Variants in CSMD1 observed in about 807,000 individuals in gnomAD.
The protein encoded by CSMD1 is CUB and sushi domain-containing protein 1.
CSMD1 carries 213 observed loss-of-function variants against 417.5 expected under a neutral mutation model. That is an observed-to-expected ratio of 0.51 (90% CI 0.46 to 0.57). The LOEUF is 0.57. Ranked by LOEUF, CSMD1 falls within the 20% of genes least tolerant of loss-of-function variation. CSMD1 has a pLI of 0.00. For synonymous variants in CSMD1, 2,862 were observed against 1,736.8 expected (o/e 1.65, Z -16.11); for missense variants, 6,923 against 4,529.7 (o/e 1.53, Z -15.17).
chr8:4,932,259 A>T (rs199562771), intron 1 of CSMD1, among the ~76,000 whole-genome samples: 2 of 34,514 alleles, frequency 5.8e-5, no homozygotes, highest in African/African-American at 5.8e-4. Flanking sequence ...CTCTGGTTTT[A>T]AAAAAAAGTG....
chr8:4,244,036 G>A (rs13248374), intron 3 of CSMD1, among the ~76,000 whole-genome samples: 53,846 of 152,084 alleles, frequency 0.35, 11,853 homozygotes, highest in Non-Finnish European at 0.49. Flanking sequence ...CTGGCTGCAG[G>A]CTCTTTGTTT....
chr8:3,838,200 G>C (rs1370984317), intron 5 of CSMD1, among the ~76,000 whole-genome samples: 2 of 151,922 alleles, frequency 1.3e-5, no homozygotes, highest in Non-Finnish European at 2.9e-5. Flanking sequence ...CCTTCCTATG[G>C]ATAGATAACT....
At chr8:3,184,480 A>C (rs556510270) in intron 36 of CSMD1, among the ~76,000 whole-genome samples, 4 of 152,304 alleles carry the variant, frequency 2.6e-5, no homozygotes, top group African/African-American at 9.6e-5. Context: ...ATCTGTCTTC[A>C]GTTCTGCTCT....
At chr8:4,772,115 C>A (rs769282958) in intron 1 of CSMD1, among the ~76,000 whole-genome samples, 18 of 152,118 alleles carry the variant, frequency 1.2e-4, no homozygotes, top group Non-Finnish European at 2.1e-4. Flanking sequence ...CTTCCAGGGT[C>A]ATTTGGGTCC....
chr8:4,797,817 C>CA (rs1798062028), intron 1 of CSMD1, among the ~76,000 whole-genome samples: 1 of 151,984 alleles, frequency 6.6e-6, no homozygotes, highest in Non-Finnish European at 1.5e-5. Context: ...GCTCATGTAA[C>CA]AAAAAATGTA....
At chr8:3,447,641 G>T (rs961804043) in intron 12 of CSMD1, among the ~76,000 whole-genome samples, 6 of 152,174 alleles carry the variant, frequency 3.9e-5, no homozygotes, top group Admixed American at 6.5e-5. Flanking sequence ...AAAGCAGTGT[G>T]TGCATTCTTT....
At chr8:3,473,132 T>C (rs754115359) in intron 11 of CSMD1, among the ~76,000 whole-genome samples, 1 of 152,238 alleles carries the variant, frequency 6.6e-6, no homozygotes, top group African/African-American at 2.4e-5. Flanking sequence ...TCTATTCAAC[T>C]ACTTTAGACA....
chr8:3,809,668 G>C (rs1201935478), intron 5 of CSMD1, among the ~76,000 whole-genome samples: 2 of 152,138 alleles, frequency 1.3e-5, no homozygotes, highest in Non-Finnish European at 2.9e-5. Flanking sequence ...AGGTGATGCT[G>C]ATGCTGCTAA....
chr8:3,779,773 G>C (rs973638040), intron 5 of CSMD1, among the ~76,000 whole-genome samples: 1 of 152,188 alleles, frequency 6.6e-6, no homozygotes, highest in Admixed American at 6.5e-5. Flanking sequence ...AGGTCCTCAT[G>C]CTCCTTCCAG....
At chr8:4,784,818 G>A (rs950437301) in intron 1 of CSMD1, among the ~76,000 whole-genome samples, 4 of 152,126 alleles carry the variant, frequency 2.6e-5, no homozygotes, top group African/African-American at 7.2e-5. Flanking sequence ...AAAGCATTGT[G>A]GGTTGGCAGG....
chr8:4,196,560 T>A (rs756938844), intron 3 of CSMD1, among the ~76,000 whole-genome samples: 2 of 152,166 alleles, frequency 1.3e-5, no homozygotes, highest in African/African-American at 2.4e-5. Context: ...CATTCATTTT[T>A]AGCCTCAAAA....
At chr8:4,565,609 C>A (rs1798558881) in intron 2 of CSMD1, among the ~76,000 whole-genome samples, 1 of 151,546 alleles carries the variant, frequency 6.6e-6, no homozygotes, top group South Asian at 2.1e-4. Flanking sequence ...CTTACAGGCA[C>A]CTGTAGTCCC....
intron 2 of CSMD1, among the ~76,000 whole-genome samples, chr8:4,449,594 A>T (rs1235012): frequency 2.0e-5 from 3 of 152,132 alleles, no homozygotes; most frequent in Non-Finnish European, 2.9e-5. Context: ...CATAATAGAG[A>T]TAATCAATAT....
intron 25 of CSMD1, among the ~76,000 whole-genome samples, chr8:3,307,127 T>C (rs959689469): frequency 7.9e-5 from 12 of 152,196 alleles, no homozygotes; most frequent in Middle Eastern, 3.2e-3. Context: ...CAGTAGAGTG[T>C]ATTTCTTCAT....
intron 3 of CSMD1, among the ~76,000 whole-genome samples, chr8:4,180,533 T>C (rs527411838): frequency 6.6e-6 from 1 of 151,684 alleles, no homozygotes; most frequent in Non-Finnish European, 1.5e-5. Flanking sequence ...CATATGTAAC[T>C]AACCTGCACA....
Position 4,031,535 on chromosome 8 carries a change from G to T in CSMD1, c.610+370C>A, listed in dbSNP as rs182839443. The stretch of plus-strand genomic sequence containing the variant: ...TCCTCCCACAACATGTGGGAATTGT[G>T]GGAACTACCGTTCAACATGAGGTTT... On this transcript the variant is annotated intron_variant, in intron 4 of 69. Coordinates refer to ENST00000635120, the MANE Select transcript of CSMD1 (RefSeq NM_033225.6). Among the ~76,000 whole-genome samples the T allele has an allele frequency of 2.0e-5, 3 of 152,074 alleles. No homozygotes were observed. In the South Asian group the frequency reaches 6.2e-4, roughly 32 times the overall value.
At chr8:4,968,808 A>G (rs982186931) in intron 1 of CSMD1, among the ~76,000 whole-genome samples, 4 of 152,158 alleles carry the variant, frequency 2.6e-5, no homozygotes, top group East Asian at 1.9e-4. Flanking sequence ...TGGCAGTTGC[A>G]TCTCTTCTGC....
At chr8:3,584,070 G>A (rs568621149) in intron 9 of CSMD1, among the ~76,000 whole-genome samples, 2 of 151,934 alleles carry the variant, frequency 1.3e-5, no homozygotes, top group Admixed American at 6.6e-5. Context: ...CATTATTTCA[G>A]ACAAAAAATT....
intron 2 of CSMD1, among the ~76,000 whole-genome samples, chr8:4,444,955 T>C (rs902351851): frequency 6.6e-6 from 1 of 152,168 alleles, no homozygotes; most frequent in African/African-American, 2.4e-5. Flanking sequence ...AACTGGGAAA[T>C]CTCCACTGTG....
Sources: allele counts gnomAD v4.1 joint callset (sites outside exome capture counted in the v4.1 genomes callset), GRCh38; gene constraint gnomAD v4.1.1; transcripts MANE v1.5; gene names NCBI Gene and HGNC (gene_info 2026-07-23, HGNC 2026-07-21).